Variants in SH2D4A observed in about 807,000 individuals in gnomAD.
SH2D4A encodes SH2 domain containing 4A, also known as SH2 domain-containing protein 4A.
A neutral mutation model predicts 64.7 loss-of-function variants in SH2D4A; 70 were observed. That is an observed-to-expected ratio of 1.08 (90% CI 0.89 to 1.32). The LOEUF is 1.32. SH2D4A is among the 40% of genes most tolerant of loss of function. The pLI is 0.00. For synonymous variants in SH2D4A, 268 were observed against 200.7 expected (o/e 1.34, Z -2.83); for missense variants, 706 against 540.1 (o/e 1.31, Z -3.04).
intron 2 of SH2D4A, among the ~76,000 whole-genome samples, chr8:19,322,964 C>T (rs891802643): frequency 2.4e-4 from 36 of 152,132 alleles, no homozygotes; most frequent in South Asian, 1.2e-3. Flanking sequence ...CATGACCCAC[C>T]GTGCCCGACT....
intron 8 of SH2D4A, among the ~76,000 whole-genome samples, chr8:19,380,261 C>G (rs539426886): frequency 1.3e-5 from 2 of 152,252 alleles, no homozygotes; most frequent in South Asian, 4.2e-4. Context: ...ACAGTATATT[C>G]TGGGTATCAA....
At chr8:19,336,600 C>G (rs988222495) in intron 4 of SH2D4A, among the ~76,000 whole-genome samples, 4 of 152,308 alleles carry the variant, frequency 2.6e-5, no homozygotes, top group South Asian at 2.1e-4. Context: ...CTTGTAATCT[C>G]AGTGCTTTTG....
chr8:19,364,165 G>C lies in SH2D4A; in HGVS notation c.800G>C (p.Gly267Ala). The C allele has an allele frequency of 2.5e-6, 4 of 1,614,122 alleles. No individual in the cohort carries two copies. The highest frequency in any genetic ancestry group is 3.4e-6 in the Non-Finnish European group (4 of 1,179,980). ...YKRLSLGAQK[G>A]RGGERLQSPL... ...AGGTTATCCCTCGGGGCCCAGAAAGGAAGAGGCGGTGAGAGGCTGCAAAGC... is the reference window on the plus strand; with the variant it reads ...AGGTTATCCCTCGGGGCCCAGAAAGCAAGAGGCGGTGAGAGGCTGCAAAGC... The change falls in exon 7 of 10, where the codon GGA (glycine) becomes GCA (alanine). Residue 267 changes from glycine (G) to alanine (A), a missense_variant. By Grantham distance (60) the Gly-to-Ala change is moderately conservative. Coordinates refer to ENST00000265807, the MANE Select transcript of SH2D4A (RefSeq NM_022071.4).
At chr8:19,367,512 G>T (rs754903593) in intron 7 of SH2D4A, among the ~76,000 whole-genome samples, 1 of 151,978 alleles carries the variant, frequency 6.6e-6, no homozygotes, top group Non-Finnish European at 1.5e-5. Context: ...CATTTTTTTC[G>T]TACACCTGTT....
At chr8:19,362,436 G>C (rs1044627822) in intron 6 of SH2D4A, among the ~76,000 whole-genome samples, 1 of 152,090 alleles carries the variant, frequency 6.6e-6, no homozygotes, top group African/African-American at 2.4e-5. Flanking sequence ...TTTGGTCAAC[G>C]ATGGGTCGCA....
At chr8:19,348,284 CAG>C (rs2052644010) in intron 4 of SH2D4A, among the ~76,000 whole-genome samples, 1 of 152,038 alleles carries the variant, frequency 6.6e-6, no homozygotes, top group Admixed American at 6.6e-5. Flanking sequence ...CTTGTAGAGA[CAG>C]GGGTCTCACC....
At chr8:19,378,466 G>A (rs1386840922) in intron 8 of SH2D4A, among the ~76,000 whole-genome samples, 2 of 152,016 alleles carry the variant, frequency 1.3e-5, no homozygotes, top group African/African-American at 2.4e-5. Flanking sequence ...ATGGAGTCTC[G>A]CTCTTGTTGC....
At chr8:19,339,495 C>CTTTTTTTTTTTTTTTTTTTTTTTTTT (rs5889867) in intron 4 of SH2D4A, among the ~76,000 whole-genome samples, 1 of 129,026 alleles carries the variant, frequency 7.8e-6, no homozygotes. Flanking sequence ...TATAAACTTT[C>CTTTTTTTTTTTTTTTTTTTTTTTTTT]TTTTTTTTTT....
At chr8:19,346,571 C>T (rs2052616759) in intron 4 of SH2D4A, among the ~76,000 whole-genome samples, 1 of 152,196 alleles carries the variant, frequency 6.6e-6, no homozygotes, top group Non-Finnish European at 1.5e-5. Context: ...ATGTAATGCA[C>T]TTGAATCATC....
intron 7 of SH2D4A, among the ~76,000 whole-genome samples, chr8:19,369,531 G>A (rs2053059188): frequency 6.6e-6 from 1 of 151,980 alleles, no homozygotes; most frequent in Non-Finnish European, 1.5e-5. Flanking sequence ...GGTCTGTTAA[G>A]TTTTCTGTTT....
rs2052805510 is a variant in SH2D4A at position 19,357,183 on chromosome 8, G to T, written c.514-20G>T. The stretch of plus-strand genomic sequence containing the variant: ...CACTGCAGCTCCAAATGCCATAAAT[G>T]TGTTTCGTTTAATTTTTAGTCACTC... On this transcript the variant is annotated intron_variant, in intron 4 of 9. Coordinates refer to ENST00000265807, the MANE Select transcript of SH2D4A (RefSeq NM_022071.4). 6.3e-7 allele frequency: 1 copy of T among 1,582,804 alleles called. No homozygotes were observed. The highest frequency in any genetic ancestry group is 8.7e-7 in the Non-Finnish European group (1 of 1,151,640).
intron 8 of SH2D4A, among the ~76,000 whole-genome samples, chr8:19,374,945 G>A (rs532485806): frequency 6.6e-6 from 1 of 152,144 alleles, no homozygotes; most frequent in East Asian, 1.9e-4. Context: ...GACAGAAGAT[G>A]CTGTCATCTC....
chr8:19,336,758 T>G (rs903057949), intron 4 of SH2D4A, among the ~76,000 whole-genome samples: 11 of 151,900 alleles, frequency 7.2e-5, no homozygotes, highest in South Asian at 6.2e-4. Flanking sequence ...TCCTAGCAAC[T>G]CAGGAGGCTG....
intron 4 of SH2D4A, among the ~76,000 whole-genome samples, chr8:19,344,847 G>A (rs1365478551): frequency 1.3e-5 from 2 of 152,140 alleles, no homozygotes; most frequent in African/African-American, 4.8e-5. Context: ...TCCCAGCAAG[G>A]TCTGGGTCAA....
In SH2D4A at chr8:19,373,562, C is replaced by G. The variant is rs2053145315; in HGVS notation, c.950C>G (p.Ser317Cys). ...GGAGTGGTGAGGACACTGTCCAGCT[C>G]TGCCCAAGAGGACATCATCCGGTGG... ...NQGVVRTLSS[S>C]AQEDIIRWFK... The change falls in exon 8 of 10, where the codon TCT becomes TGT. Residue 317 changes from serine (S) to cysteine (C), a missense_variant. Physicochemically the swap from Ser to Cys is moderately radical, Grantham distance 112. Transcript: ENST00000265807. The G allele has an allele frequency of 1.2e-6, 2 of 1,612,908 alleles. No homozygotes were observed. Among genetic ancestry groups the G allele is most frequent in the East Asian group, 2.2e-5 (1 of 44,844 alleles).
rs145487039 is a variant in SH2D4A, at chr8:19,389,804, G to C, written c.1049-3514G>C. 7.7e-3 allele frequency among the ~76,000 whole-genome samples: 1,170 copies of C among 152,270 alleles called. 7 individuals carry two copies. Among genetic ancestry groups the C allele is most frequent in the Non-Finnish European group, 0.011 (749 of 68,022 alleles). ...GCTTGCAGTCCCAGGTACCCAGGAGGTTGAGGCTGCAGTGAGCTGAGATTG... is the reference window on the plus strand; with the variant it reads ...GCTTGCAGTCCCAGGTACCCAGGAGCTTGAGGCTGCAGTGAGCTGAGATTG... On this transcript the variant is annotated intron_variant, in intron 8 of 9. Transcript: ENST00000265807.
In SH2D4A at chr8:19,393,481, C is replaced by G; in HGVS notation, c.1212C>G (p.Ser404Arg). ...FLIDASADAY[S>R]FLGVDQLQHA... Reference sequence around the variant, plus strand: ...TCGATGCCTCTGCAGACGCCTACAGCTTCCTGGGCGTGGACCAGCTACAGC... The same window carrying G: ...TCGATGCCTCTGCAGACGCCTACAGGTTCCTGGGCGTGGACCAGCTACAGC... Residue 404 changes from serine to arginine, a missense_variant, in exon 9 of 10, where the codon AGC becomes AGG. Transcript: ENST00000265807. 6.2e-7 allele frequency: 1 copy of G among 1,614,242 alleles called. No individual in the cohort carries two copies. Among genetic ancestry groups the G allele is most frequent in the Non-Finnish European group, 8.5e-7 (1 of 1,180,044 alleles).
At chr8:19,385,054 G>T (rs1480781861) in intron 8 of SH2D4A, among the ~76,000 whole-genome samples, 1 of 152,078 alleles carries the variant, frequency 6.6e-6, no homozygotes, top group African/African-American at 2.4e-5. Context: ...TTTCCATCTT[G>T]ATTTGTTTCT....
chr8:19,363,792 GCA>G (rs1228584646), intron 6 of SH2D4A: 5 of 439,170 alleles, frequency 1.1e-5, no homozygotes, highest in Non-Finnish European at 2.1e-5. Flanking sequence ...GGAAATTCTT[GCA>G]CACTTTCTCT....
Sources: allele counts gnomAD v4.1 joint callset (sites outside exome capture counted in the v4.1 genomes callset), GRCh38; gene constraint gnomAD v4.1.1; transcripts MANE v1.5; gene names NCBI Gene and HGNC (gene_info 2026-07-23, HGNC 2026-07-21).